MSC: variants seen among roughly 807,000 people sequenced by gnomAD.
MSC encodes the protein activated B-cell factor 1, homolog of mouse musculin.
In MSC, 16 loss-of-function variants were observed where a neutral mutation model predicts 14.4. The ratio of observed to expected loss-of-function variants is 1.11; its 90% CI spans 0.75 to 1.69. The LOEUF is 1.69. Ranked by LOEUF, MSC falls within the 40% of genes most tolerant of loss-of-function variation. The pLI is 0.00. For synonymous variants in MSC, 165 were observed against 128.5 expected (o/e 1.28, Z -1.92); for missense variants, 320 against 288.1 (o/e 1.11, Z -0.80).
chr8:71,842,851 G>A (rs902886155), intron 1 of MSC, 104 bp from the exon 2 acceptor site: 5 of 956,670 alleles, frequency 5.2e-6, no homozygotes, highest in African/African-American at 1.6e-5. Flanking sequence ...GAGTAGCTAA[G>A]ATTTTATCAG....
At chr8:71,843,074 ACACACACAGT>A in intron 1 of MSC, 1 of 360,396 alleles carries the variant, frequency 2.8e-6, no homozygotes. Context: ...ACACACACAC[ACACACACAGT>A]CATCCACTCC....
intron 1 of MSC, 54 bp from the exon 2 acceptor site, chr8:71,842,801 A>C: frequency 1.3e-6 from 2 of 1,530,470 alleles, no homozygotes; most frequent in Non-Finnish European, 1.8e-6. Flanking sequence ...TCTCAAACCG[A>C]AACAGCTCTC....
At position 71,844,380 on chromosome 8, in the gene MSC, G is replaced by C. The variant is rs922288076; in HGVS notation, c.-202C>G. The C allele has an allele frequency of 1.3e-6, 1 of 778,436 alleles. No homozygotes were observed. 48.2% of individuals were successfully genotyped at this position (778,436 alleles called of 1,614,324 possible). ...CCCTCTGCTGACCCCGGGGAGCGTGGACTACGAGTTGGCGCCCAAGTCCAG... is the reference window on the plus strand; with the variant it reads ...CCCTCTGCTGACCCCGGGGAGCGTGCACTACGAGTTGGCGCCCAAGTCCAG... On this transcript the variant is annotated 5_prime_UTR_variant, in exon 1 of 2. Coordinates refer to ENST00000325509, the MANE Select transcript of MSC (RefSeq NM_005098.4).
At position 71,843,847 on chromosome 8, in the gene MSC, G is replaced by A; in HGVS notation, c.332C>T (p.Ala111Val). The change falls in exon 1 of 2, where the codon GCG (alanine) becomes GTG (valine). Residue 111 changes from alanine to valine, a missense_variant. Coordinates refer to ENST00000325509, the MANE Select transcript of MSC (RefSeq NM_005098.4). ...AAECKQSQRN[A>V]ANARERARMR... Reference sequence around the variant, plus strand: ...CCGGGCACGCTCACGGGCGTTGGCCGCGTTCCGCTGCGACTGCTTGCACTC... The same window carrying A: ...CCGGGCACGCTCACGGGCGTTGGCCACGTTCCGCTGCGACTGCTTGCACTC... The A allele has an allele frequency of 6.2e-7, 1 of 1,612,796 alleles. No homozygotes were observed. The highest frequency in any genetic ancestry group is 8.5e-7 in the Non-Finnish European group (1 of 1,179,650).
chr8:71,843,498 G>GTC, intron 1 of MSC, 147 bp downstream of exon 1: 2 of 1,001,956 alleles, frequency 2.0e-6, no homozygotes, highest in South Asian at 2.7e-5. Context: ...CTTGATTTGG[G>GTC]AGAAACTAAA....
In MSC at chr8:71,843,876, G is replaced by T; in HGVS notation, c.303C>A (p.Ala101=). The T allele has an allele frequency of 6.2e-7, 1 of 1,609,736 alleles. No homozygotes were observed. Among genetic ancestry groups the T allele is most frequent in the Non-Finnish European group, 8.5e-7 (1 of 1,178,254 alleles). The change falls in exon 1 of 2, where the codon GCC becomes GCA. Residue 101 remains alanine (A), a synonymous_variant. Transcript: ENST00000325509. ...TCCGCTGCGACTGCTTGCACTCTGC[G>T]GCTGAGCCCTTGGCCGGGAGGGGCT... ...GKKPLPAKGS[A]AECKQSQRNA... is the part of the protein sequence containing the mutation.
In MSC at chr8:71,842,725, C is replaced by G. The variant is rs373436659; in HGVS notation, c.557G>C (p.Gly186Ala). Residue 186 changes from glycine to alanine, a missense_variant, in exon 2 of 2, where the codon GGA becomes GCA. Gly to Ala is a moderately conservative substitution (Grantham distance 60). Coordinates refer to ENST00000325509, the MANE Select transcript of MSC (RefSeq NM_005098.4). ...VNLTWPFVVS[G>A]RPDSDTKEVS... ...TTCTTTGGTGTCAGAGTCCGGTCTT[C>G]CCGAGACCACGAATGGCCATGTCTG... 4.3e-5 allele frequency: 69 copies of G among 1,613,996 alleles called. 1 individual carries two copies. The highest frequency in any genetic ancestry group is 1.6e-4 in the Middle Eastern group (1 of 6,084).
Position 71,842,658 on chromosome 8 carries a change from G to C in MSC, c.*3C>G. ...AATCCCATCAAGTGAGTTCCAGTCC[G>C]ATTTAAGCGGTGGTTCCACATAGTC... On this transcript the variant is annotated 3_prime_UTR_variant, in exon 2 of 2. Transcript: ENST00000325509. The C allele has an allele frequency of 6.2e-7, 1 of 1,613,924 alleles. No homozygotes were observed.
Position 71,842,603 on chromosome 8 carries a change from G to A in MSC, c.*58C>T. 1 of 1,514,216 alleles carries A rather than the reference G, an allele frequency of 6.6e-7. No individual in the cohort carries two copies. The highest frequency in any genetic ancestry group is 9.2e-7 in the Non-Finnish European group (1 of 1,089,552). The allele number at this position is 1,514,216 out of a possible 1,614,324, so 93.8% of individuals were successfully genotyped here. ...ATCTCACGAGCTCTCCCTTCTCTCC[G>A]TGGCCCCCAAACACTCGCATTTAAC... On this transcript the variant is annotated 3_prime_UTR_variant, in exon 2 of 2. Coordinates refer to ENST00000325509, the MANE Select transcript of MSC (RefSeq NM_005098.4).
At chr8:71,843,367 A>G in intron 1 of MSC, 1 of 541,414 alleles carries the variant, frequency 1.8e-6, no homozygotes, top group Non-Finnish European at 3.4e-6. Flanking sequence ...ATGGAGATGG[A>G]ACCAAGATTT....
rs1807405187 is a variant in MSC, at chr8:71,842,540, G to A, written c.*121C>T. 5 of 952,024 alleles carry A rather than the reference G, an allele frequency of 5.3e-6. No homozygotes were observed. The highest frequency in any genetic ancestry group is 1.3e-5 in the South Asian group (1 of 75,328). 59.0% of individuals were successfully genotyped at this position (952,024 alleles called of 1,614,324 possible). Reference sequence around the variant, plus strand: ...GTCACGATCACAGTTCCAGGGAAAGGGGAAGGGTCAAGGAGAATCCAGCGG... The same window carrying A: ...GTCACGATCACAGTTCCAGGGAAAGAGGAAGGGTCAAGGAGAATCCAGCGG... On this transcript the variant is annotated 3_prime_UTR_variant, in exon 2 of 2. Coordinates refer to ENST00000325509, the MANE Select transcript of MSC (RefSeq NM_005098.4).
rs1047972687 is a variant in MSC at position 71,844,391 on chromosome 8, G to A, written c.-213C>T. On this transcript the variant is annotated 5_prime_UTR_variant, in exon 1 of 2. Coordinates refer to ENST00000325509, the MANE Select transcript of MSC (RefSeq NM_005098.4). ...CCCCGGGGAGCGTGGACTACGAGTTGGCGCCCAAGTCCAGAATCCGCGCGC... is the reference window on the plus strand; with the variant it reads ...CCCCGGGGAGCGTGGACTACGAGTTAGCGCCCAAGTCCAGAATCCGCGCGC... 16 of 738,272 alleles carry A rather than the reference G, an allele frequency of 2.2e-5. No individual in the cohort carries two copies. The highest frequency in any genetic ancestry group is 4.0e-5 in the Admixed American group (2 of 49,912). The allele number at this position is 738,272 out of a possible 1,614,324, so 45.7% of individuals were successfully genotyped here.
At position 71,844,046 on chromosome 8, in the gene MSC, AGTTGTCACTG is replaced by A; in HGVS notation, c.123_132del (p.Ser42ArgfsTer79). On this transcript the variant is annotated frameshift_variant, in exon 1 of 2. Coordinates refer to ENST00000325509, the MANE Select transcript of MSC (RefSeq NM_005098.4). LOFTEE classifies it high-confidence loss of function. ...TCGGGGTCCTCCTCCTCTGCCGACG[AGTTGTCACTG>A]GGCGAGGCGTAGCTGCGCTCTACGC... 1 of 1,561,220 alleles carries A rather than the reference AGTTGTCACTG, an allele frequency of 6.4e-7. No homozygotes were observed. The highest frequency in any genetic ancestry group is 1.2e-5 in the South Asian group (1 of 82,632).
chr8:71,844,231 T>G lies in MSC; in HGVS notation c.-53A>C. ...CCTCTTTCCTCCCCCCTGGCCAGTC[T>G]CGCTGTCTCCGCCTTCCGCTCCCTG... On this transcript the variant is annotated 5_prime_UTR_variant, in exon 1 of 2. Transcript: ENST00000325509. 13 of 1,594,722 alleles carry G rather than the reference T, an allele frequency of 8.2e-6. No individual in the cohort carries two copies. The highest frequency in any genetic ancestry group is 1.1e-5 in the Non-Finnish European group (13 of 1,167,820).
At chr8:71,843,093 C>G (rs376578413) in intron 1 of MSC, 1 of 345,974 alleles carries the variant, frequency 2.9e-6, no homozygotes, top group Admixed American at 4.0e-5. Flanking sequence ...GTCATCCACT[C>G]CAAGCTCCAA....
intron 1 of MSC, chr8:71,843,114 G>A (rs576513637): frequency 2.0e-4 from 69 of 339,844 alleles, no homozygotes; most frequent in African/African-American, 1.5e-3. Context: ...GTAGGAACTG[G>A]GCTTGGACAG....
chr8:71,843,989 C>G lies in MSC; in HGVS notation c.190G>C (p.Ala64Pro). The change falls in exon 1 of 2, where the codon GCC (alanine) becomes CCC (proline). Residue 64 changes from alanine (A) to proline (P), a missense_variant. Coordinates refer to ENST00000325509, the MANE Select transcript of MSC (RefSeq NM_005098.4). ...GEEERCALGT[A>P]GSAEGCKRKR... ...CTCTTGCAGCCTTCCGCGCTGCCGG[C>G]TGTGCCCAGAGCGCAGCGCTCCTCC... 1 of 1,565,960 alleles carries G rather than the reference C, an allele frequency of 6.4e-7. No individual in the cohort carries two copies. The highest frequency in any genetic ancestry group is 1.9e-5 in the Admixed American group (1 of 53,424).
At position 71,842,728 on chromosome 8, in the gene MSC, G is replaced by A. The variant is rs1563797526; in HGVS notation, c.554C>T (p.Ser185Leu). ...PVNLTWPFVV[S>L]GRPDSDTKEV... The stretch of plus-strand genomic sequence containing the variant: ...TTTGGTGTCAGAGTCCGGTCTTCCC[G>A]AGACCACGAATGGCCATGTCTGTAA... The change falls in exon 2 of 2, where the codon TCG becomes TTG. Residue 185 changes from serine to leucine, a missense_variant. Physicochemically the swap from Ser to Leu is moderately radical, Grantham distance 145. Coordinates refer to ENST00000325509, the MANE Select transcript of MSC (RefSeq NM_005098.4). 2 of 1,614,060 alleles carry A rather than the reference G, an allele frequency of 1.2e-6. No homozygotes were observed. Among genetic ancestry groups the A allele is most frequent in the Non-Finnish European group, 8.5e-7 (1 of 1,179,966 alleles).
In MSC at chr8:71,843,946, G is replaced by T. The variant is rs762138880; in HGVS notation, c.233C>A (p.Ala78Asp). The T allele has an allele frequency of 8.3e-6, 13 of 1,561,364 alleles. No individual in the cohort carries two copies. The East Asian group carries it at 2.9e-4, about 35-fold the overall frequency. Residue 78 changes from alanine (A) to aspartate (D), a missense_variant, in exon 1 of 2, where the codon GCT (alanine) becomes GAT (aspartate). Ala to Asp is a moderately radical substitution (Grantham distance 126, BLOSUM62 -2). Coordinates refer to ENST00000325509, the MANE Select transcript of MSC (RefSeq NM_005098.4). ...EGCKRKRPRV[A>D]GGGGAGGSAG... ...GCTACCACCTGCGCCGCCGCCCCCA[G>T]CCACACGGGGCCGCTTCCTCTTGCA...
Sources: allele counts gnomAD v4.1 joint callset, GRCh38; gene constraint gnomAD v4.1.1; transcripts MANE v1.5; gene names NCBI Gene and HGNC (gene_info 2026-07-23, HGNC 2026-07-21).